ZNF609: variants seen among roughly 807,000 people sequenced by gnomAD.
The protein encoded by ZNF609 is zinc finger protein 609.
A neutral mutation model predicts 109.5 loss-of-function variants in ZNF609; 11 were observed. That is an observed-to-expected ratio of 0.10 (90% CI 0.06 to 0.17). The LOEUF is 0.17. Ranked by LOEUF, ZNF609 falls within the 10% of genes least tolerant of loss-of-function variation. The pLI is 1.00. For missense variants in ZNF609, 1,559 were observed against 1,772.4 expected, an observed-to-expected ratio of 0.88 and a Z score of 2.16; for synonymous variants, 646 against 662.0, an observed-to-expected ratio of 0.98 and a Z score of 0.37.
chr15:64,659,946 T>C (rs1293494502), intron 3 of ZNF609, among the ~76,000 whole-genome samples: 2 of 151,836 alleles, frequency 1.3e-5, no homozygotes, highest in African/African-American at 4.8e-5. Context: ...GCGATTCTCC[T>C]GCCTCAGCCT....
chr15:64,524,402 A>G (rs1376491308), intron 2 of ZNF609, among the ~76,000 whole-genome samples: 1 of 152,170 alleles, frequency 6.6e-6, no homozygotes, highest in African/African-American at 2.4e-5. Flanking sequence ...TGTCTCTACT[A>G]AAAATACAAA....
chr15:64,551,847 C>T lies in ZNF609; in HGVS notation c.747+51681C>T, dbSNP rs1327078277. 2.7e-5 allele frequency among the ~76,000 whole-genome samples: 4 copies of T among 148,776 alleles called. 1 individual carries two copies. The highest frequency in any genetic ancestry group is 6.0e-5 in the Non-Finnish European group (4 of 66,788). On this transcript the variant is annotated intron_variant, in intron 2 of 9. Coordinates refer to ENST00000326648, the MANE Select transcript of ZNF609 (RefSeq NM_015042.2). ...ACTAAAAATACAAAAATTAGCCAGG[C>T]GTGGTGGCAGGTGCTTGTATTTCCA... is the stretch of plus-strand genomic sequence containing the variant.
At chr15:64,538,608 G>C (rs994537214) in intron 2 of ZNF609, among the ~76,000 whole-genome samples, 2 of 152,164 alleles carry the variant, frequency 1.3e-5, no homozygotes, top group Non-Finnish European at 2.9e-5. Context: ...GTGCAGTGGG[G>C]CGATCTTGGC....
At chr15:64,572,739 C>G (rs904299130) in intron 2 of ZNF609, among the ~76,000 whole-genome samples, 1 of 149,492 alleles carries the variant, frequency 6.7e-6, no homozygotes. Flanking sequence ...ACTAAAAATA[C>G]AAAATTAGCC....
intron 2 of ZNF609, among the ~76,000 whole-genome samples, chr15:64,519,108 C>T (rs1219536711): frequency 4.0e-5 from 1 of 24,774 alleles, no homozygotes; most frequent in Non-Finnish European, 8.2e-5. Context: ...CCATTCTTGG[C>T]GGGTGCAGGG....
intron 2 of ZNF609, among the ~76,000 whole-genome samples, chr15:64,520,080 A>G (rs181852671): frequency 7.7e-4 from 118 of 152,264 alleles, no homozygotes; most frequent in African/African-American, 2.6e-3. Context: ...CCACCTCCTC[A>G]TGGCAGTATG....
chr15:64,676,290 G>A lies in ZNF609; in HGVS notation c.3402+34G>A, dbSNP rs61545895. ...TGCCCTGGGAGGAAGTGGAAATACC[G>A]TATGGTAATCGTCTATCTTCCTCAC... On this transcript the variant is annotated intron_variant, in intron 5 of 9. Coordinates refer to ENST00000326648, the MANE Select transcript of ZNF609 (RefSeq NM_015042.2). 9.2e-5 allele frequency: 143 copies of A among 1,552,288 alleles called. No individual in the cohort carries two copies. In the African/African-American group the frequency reaches 1.2e-3, roughly 13 times the overall value.
intron 2 of ZNF609, among the ~76,000 whole-genome samples, chr15:64,511,935 G>GATCTCCTGACCTCGTGATCCAAA (rs1473201654): frequency 1.3e-5 from 2 of 151,476 alleles, no homozygotes; most frequent in African/African-American, 4.9e-5. Context: ...GGATGGTCTT[G>GATCTCCTGACCTCGTGATCCAAA]ATCTCCTGAC....
At chr15:64,488,249 A>C (rs148034126) in intron 1 of ZNF609, among the ~76,000 whole-genome samples, 51 of 152,320 alleles carry the variant, frequency 3.3e-4, no homozygotes, top group African/African-American at 1.2e-3. Flanking sequence ...GCTAATTGAG[A>C]GAGTTTATAA....
chr15:64,520,904 A>G lies in ZNF609; in HGVS notation c.747+20738A>G, dbSNP rs141631762. 5.5e-4 allele frequency among the ~76,000 whole-genome samples: 84 copies of G among 152,336 alleles called. No individual in the cohort carries two copies. The East Asian group carries it at 0.014, about 26-fold the overall frequency. On this transcript the variant is annotated intron_variant, in intron 2 of 9. Coordinates refer to ENST00000326648, the MANE Select transcript of ZNF609 (RefSeq NM_015042.2). ...TCTTTCTTCCCACCTTCTCTGCTAC[A>G]CTGACAGCAAAGGAGAGGCTCACCT...
At chr15:64,541,839 CA>C (rs59597800) in intron 2 of ZNF609, among the ~76,000 whole-genome samples, 3,727 of 42,188 alleles carry the variant, frequency 0.088, 17 homozygotes, top group Non-Finnish European at 0.13. Flanking sequence ...GACTCCAACT[CA>C]AAAAAAAAAA....
chr15:64,658,572 A>G (rs958661244), intron 3 of ZNF609, among the ~76,000 whole-genome samples: 12 of 151,974 alleles, frequency 7.9e-5, no homozygotes, highest in African/African-American at 2.9e-4. Flanking sequence ...ATATACACAC[A>G]CACACACACA....
At chr15:64,651,063 G>A (rs953973141) in intron 3 of ZNF609, among the ~76,000 whole-genome samples, 1 of 151,916 alleles carries the variant, frequency 6.6e-6, no homozygotes, top group Non-Finnish European at 1.5e-5. Flanking sequence ...TTTGTGAGGA[G>A]GGAATAAGTT....
At chr15:64,545,717 C>A (rs1894348149) in intron 2 of ZNF609, among the ~76,000 whole-genome samples, 1 of 152,164 alleles carries the variant, frequency 6.6e-6, no homozygotes, top group Non-Finnish European at 1.5e-5. Context: ...TTACTTCCAT[C>A]ATTAGTTTTG....
intron 2 of ZNF609, among the ~76,000 whole-genome samples, chr15:64,586,598 C>T (rs1344402778): frequency 1.3e-5 from 2 of 152,186 alleles, no homozygotes; most frequent in Admixed American, 1.3e-4. Flanking sequence ...CTAATGAATG[C>T]CTGATGATCT....
At chr15:64,489,728 A>G (rs1893385773) in intron 1 of ZNF609, among the ~76,000 whole-genome samples, 1 of 149,916 alleles carries the variant, frequency 6.7e-6, no homozygotes, top group Admixed American at 6.7e-5. Context: ...CAGTTTCCCC[A>G]TGTTGGCTAG....
chr15:64,678,619 ATTCT>A, intron 6 of ZNF609, 137 bp downstream of exon 6: 4 of 1,255,482 alleles, frequency 3.2e-6, no homozygotes, highest in Non-Finnish European at 4.3e-6. Context: ...TCACTGAGTC[ATTCT>A]GTGAGGTGGC....
At chr15:64,488,767 T>C (rs975610994) in intron 1 of ZNF609, among the ~76,000 whole-genome samples, 1 of 152,140 alleles carries the variant, frequency 6.6e-6, no homozygotes, top group South Asian at 2.1e-4. Context: ...TTCCTTTCCC[T>C]GAGACTATGA....
At chr15:64,619,413 C>T (rs898228239) in intron 2 of ZNF609, among the ~76,000 whole-genome samples, 3 of 152,160 alleles carry the variant, frequency 2.0e-5, no homozygotes. Context: ...AGATGAATAT[C>T]ACAGAGCTTA....
Sources: allele counts gnomAD v4.1 joint callset (sites outside exome capture counted in the v4.1 genomes callset), GRCh38; gene constraint gnomAD v4.1.1; transcripts MANE v1.5; gene names NCBI Gene and HGNC (gene_info 2026-07-23, HGNC 2026-07-21).